The following XXYLT1 variants were observed in gnomAD, a reference collection of about 807,000 sequenced individuals.
XXYLT1 encodes the protein xyloside xylosyltransferase 1.
Under a neutral mutation model 28.9 loss-of-function variants are expected in XXYLT1, and 20 were observed. The observed-to-expected ratio is 0.69, with a 90% CI of 0.49 to 1.00. The LOEUF is 1.00. XXYLT1 is among the 50% of genes least tolerant of loss of function. XXYLT1 has a pLI of 0.00. For missense variants in XXYLT1, 542 were observed against 560.1 expected (o/e 0.97, Z 0.33); for synonymous variants, 257 against 253.8 (o/e 1.01, Z -0.12).
chr3:195,249,349 A>T (rs1028914847), intron 1 of XXYLT1, among the ~76,000 whole-genome samples: 2 of 152,218 alleles, frequency 1.3e-5, no homozygotes, highest in Non-Finnish European at 2.9e-5. Flanking sequence ...TGTATAAAAC[A>T]GGCATAGGGC....
chr3:195,096,643 C>T (rs1274805311), intron 3 of XXYLT1, among the ~76,000 whole-genome samples: 1 of 143,612 alleles, frequency 7.0e-6, no homozygotes. Flanking sequence ...GCAAGGAAAC[C>T]ATTCCTTCTC....
intron 2 of XXYLT1, among the ~76,000 whole-genome samples, chr3:195,202,955 T>C (rs537718368): frequency 2.6e-5 from 4 of 152,256 alleles, no homozygotes; most frequent in Admixed American, 1.3e-4. Flanking sequence ...AGTCACAAGA[T>C]AGACCTGACA....
chr3:195,259,020 T>G (rs993042197), intron 1 of XXYLT1, among the ~76,000 whole-genome samples: 26 of 152,210 alleles, frequency 1.7e-4, no homozygotes, highest in Admixed American at 1.3e-4. Context: ...ACACACCTAT[T>G]CCGGTACCAT....
At chr3:195,136,044 G>A (rs1719179543) in intron 3 of XXYLT1, among the ~76,000 whole-genome samples, 1 of 152,124 alleles carries the variant, frequency 6.6e-6, no homozygotes, top group Non-Finnish European at 1.5e-5. Context: ...GAAGCCCTCA[G>A]CAACAGTCTG....
chr3:195,257,378 A>G lies in XXYLT1; in HGVS notation c.504+13177T>C, dbSNP rs1278110783. On this transcript the variant is annotated intron_variant, in intron 1 of 3. Coordinates refer to ENST00000310380, the MANE Select transcript of XXYLT1 (RefSeq NM_152531.5). The surrounding 1 kb of genome is among the most constrained non-coding windows in gnomAD (Gnocchi z 4.3). ...AGCAGCTGGCAGAAGGGCCAGTGTC[A>G]GCTCGGCAGGAGCCAGGGGAAAGGG... is the stretch of plus-strand genomic sequence containing the variant. 2.0e-5 allele frequency among the ~76,000 whole-genome samples: 3 copies of G among 152,242 alleles called. No individual in the cohort carries two copies. Among genetic ancestry groups the G allele is most frequent in the Admixed American group, 1.3e-4 (2 of 15,284 alleles).
At chr3:195,087,550 C>G (rs1450090720) in intron 3 of XXYLT1, among the ~76,000 whole-genome samples, 2 of 152,258 alleles carry the variant, frequency 1.3e-5, no homozygotes, top group East Asian at 3.9e-4. Context: ...AACTTCTCAG[C>G]TCTCTCCGGA....
In XXYLT1 at chr3:195,124,447, G is replaced by T. The variant is rs1455698775; in HGVS notation, c.785+32002C>A. Among the ~76,000 whole-genome samples, 1 of 152,198 alleles carries T rather than the reference G, an allele frequency of 6.6e-6. No homozygotes were observed. On this transcript the variant is annotated intron_variant, in intron 3 of 3. Coordinates refer to ENST00000310380, the MANE Select transcript of XXYLT1 (RefSeq NM_152531.5). The surrounding 1 kb of genome is among the most constrained non-coding windows in gnomAD (Gnocchi z 4.1). ...GATGGCAGCATGAGAGAGCTCTGGG[G>T]CTTTGGGCCTGGCACAGAATAACTT...
At chr3:195,166,894 G>A (rs545882207) in intron 2 of XXYLT1, among the ~76,000 whole-genome samples, 1 of 152,264 alleles carries the variant, frequency 6.6e-6, no homozygotes, top group South Asian at 2.1e-4. Context: ...GGCCAGGCTC[G>A]TCTTCATCTC....
intron 3 of XXYLT1, among the ~76,000 whole-genome samples, chr3:195,107,514 A>AGGAGGAGGAG (rs1717172426): frequency 5.3e-5 from 2 of 38,000 alleles, no homozygotes; most frequent in African/African-American, 8.7e-5. Context: ...AGGAAGAAGA[A>AGGAGGAGGAG]GAAGGAGGAG....
chr3:195,115,872 G>A lies in XXYLT1; in HGVS notation c.785+40577C>T, dbSNP rs1195778940. ...TATGAAAACTGGAGGCGCTGAGGCTGTCCTCAGGCTCAGGAGACAAAGACC... is the reference window on the plus strand; with the variant it reads ...TATGAAAACTGGAGGCGCTGAGGCTATCCTCAGGCTCAGGAGACAAAGACC... On this transcript the variant is annotated intron_variant, in intron 3 of 3. Transcript: ENST00000310380. This position sits in a 1 kb window ranked among gnomAD's most constrained non-coding sequence, Gnocchi z 4.2. Among the ~76,000 whole-genome samples the A allele has an allele frequency of 6.6e-6, 1 of 152,166 alleles. No homozygotes were observed. Among genetic ancestry groups the A allele is most frequent in the African/African-American group, 2.4e-5 (1 of 41,422 alleles).
At chr3:195,087,549 G>A (rs546750468) in intron 3 of XXYLT1, among the ~76,000 whole-genome samples, 10 of 152,234 alleles carry the variant, frequency 6.6e-5, no homozygotes, top group Non-Finnish European at 1.5e-4. Context: ...CAACTTCTCA[G>A]CTCTCTCCGG....
chr3:195,193,283 G>A (rs1193195719), intron 2 of XXYLT1, among the ~76,000 whole-genome samples: 4 of 138,394 alleles, frequency 2.9e-5, no homozygotes, highest in South Asian at 2.2e-4. Flanking sequence ...GCGAGACTCC[G>A]TCTAAAAAAA....
In XXYLT1 at chr3:195,176,653, G is replaced by A. The variant is rs567317550; in HGVS notation, c.653-20072C>T. Among the ~76,000 whole-genome samples the A allele has an allele frequency of 5.0e-4, 76 of 152,350 alleles. 1 individual carries two copies. Among genetic ancestry groups the A allele is most frequent in the African/African-American group, 1.8e-3 (74 of 41,570 alleles). ...ACATTGATGTTGATGAGGCTGGAGA[G>A]CTGGAGGAAGCAAGACAGTAATCTG... On this transcript the variant is annotated intron_variant, in intron 2 of 3. Transcript: ENST00000310380. The surrounding 1 kb of genome is among the most constrained non-coding windows in gnomAD (Gnocchi z 4.9).
chr3:195,268,239 G>A (rs1185891776), intron 1 of XXYLT1, among the ~76,000 whole-genome samples: 3 of 151,942 alleles, frequency 2.0e-5, no homozygotes, highest in Non-Finnish European at 4.4e-5. Flanking sequence ...AGACCAGCCT[G>A]GCCAACATGA....
intron 2 of XXYLT1, among the ~76,000 whole-genome samples, chr3:195,194,975 T>C (rs549268336): frequency 1.4e-3 from 208 of 152,282 alleles, no homozygotes; most frequent in African/African-American, 4.8e-3. Context: ...TAACACCGAA[T>C]TGTGGTCGTG....
chr3:195,095,223 T>A (rs568886051), intron 3 of XXYLT1: 1 of 152,986 alleles, frequency 6.5e-6, no homozygotes, highest in Admixed American at 6.5e-5. Flanking sequence ...TAATGCAGTG[T>A]CTGGCTGTCG....
At chr3:195,130,015 G>T (rs908959955) in intron 3 of XXYLT1, among the ~76,000 whole-genome samples, 3 of 152,180 alleles carry the variant, frequency 2.0e-5, no homozygotes, top group African/African-American at 4.8e-5. Flanking sequence ...CTGACCAGTG[G>T]ATATGAACTG....
At chr3:195,270,328 G>A in intron 1 of XXYLT1, 2 of 1,033,878 alleles carry the variant, frequency 1.9e-6, no homozygotes, top group Non-Finnish European at 2.6e-6. Context: ...AAAACGAGGC[G>A]GTCATTAAAA....
chr3:195,178,201 C>A (rs1721768817), intron 2 of XXYLT1, among the ~76,000 whole-genome samples: 1 of 151,904 alleles, frequency 6.6e-6, no homozygotes, highest in Admixed American at 6.6e-5. Flanking sequence ...CACATCTGGG[C>A]AAGCTGATAA....
Sources: allele counts gnomAD v4.1 joint callset (sites outside exome capture counted in the v4.1 genomes callset), GRCh38; gene constraint gnomAD v4.1.1; non-coding constraint Gnocchi (gnomAD v3.1); transcripts MANE v1.5; gene names NCBI Gene and HGNC (gene_info 2026-07-23, HGNC 2026-07-21).